ALDH1A2: variants seen among roughly 807,000 people sequenced by gnomAD.
ALDH1A2 encodes aldehyde dehydrogenase 1 family member A2.
A neutral mutation model predicts 60.3 loss-of-function variants in ALDH1A2; 27 were observed. The ratio of observed to expected loss-of-function variants is 0.45; its 90% confidence interval spans 0.33 to 0.62. ALDH1A2 has a LOEUF of 0.62. Ranked by LOEUF, ALDH1A2 falls within the 20% of genes least tolerant of loss-of-function variation. The pLI is 0.02. For synonymous variants in ALDH1A2, 289 were observed against 232.4 expected, an observed-to-expected ratio of 1.24 and a Z score of -2.21; for missense variants, 581 against 643.8, an observed-to-expected ratio of 0.90 and a Z score of 1.06.
chr15:58,036,061 A>G (rs1376014500), intron 1 of ALDH1A2, among the ~76,000 whole-genome samples: 6 of 151,694 alleles, frequency 4.0e-5, no homozygotes, highest in African/African-American at 1.5e-4. Context: ...CTTCTATTTA[A>G]TAGTGTAATA....
At chr15:57,995,346 TG>T (rs1187640804) in intron 4 of ALDH1A2, among the ~76,000 whole-genome samples, 1 of 151,498 alleles carries the variant, frequency 6.6e-6, no homozygotes, top group Non-Finnish European at 1.5e-5. Flanking sequence ...GACACCCAAA[TG>T]CAGTATTGAG....
At chr15:58,025,778 A>C (rs573955555) in intron 1 of ALDH1A2, among the ~76,000 whole-genome samples, 1 of 152,370 alleles carries the variant, frequency 6.6e-6, no homozygotes, top group South Asian at 2.1e-4. Flanking sequence ...CAGGAAGCTT[A>C]CAATCACGGC....
At chr15:58,053,306 T>C (rs1450786772) in intron 1 of ALDH1A2, among the ~76,000 whole-genome samples, 2 of 152,192 alleles carry the variant, frequency 1.3e-5, no homozygotes, top group Admixed American at 6.5e-5. Flanking sequence ...ACTCCAAAAA[T>C]TGTAAAACTA....
chr15:57,992,439 C>G (rs1894926870), intron 7 of ALDH1A2, among the ~76,000 whole-genome samples: 1 of 152,202 alleles, frequency 6.6e-6, no homozygotes, highest in Non-Finnish European at 1.5e-5. Flanking sequence ...CGCTATTCAA[C>G]AAAGTGTCTA....
chr15:57,986,880 C>T (rs560955131), intron 7 of ALDH1A2, among the ~76,000 whole-genome samples: 4 of 152,156 alleles, frequency 2.6e-5, no homozygotes, highest in Non-Finnish European at 4.4e-5. Flanking sequence ...GTCTCGGATT[C>T]CTGACCTCAG....
Position 57,961,158 on chromosome 15 carries a change from G to GCAGAAGA in ALDH1A2, c.1381_1387dup (p.Ala463ValfsTer47), listed in dbSNP as rs1392006350. On this transcript the variant is annotated frameshift_variant, in exon 11 of 13. Transcript: ENST00000249750. LOFTEE classifies it high-confidence loss of function. ...TTACCAAACAGTCCCAGCTTGCATTGCAGAAGACACTGTGAGGGCCTTGTT... is the reference window on the plus strand; with the variant it reads ...TTACCAAACAGTCCCAGCTTGCATTGCAGAAGACAGAAGACACTGTGAGGGCCTTGTT... The GCAGAAGA allele has an allele frequency of 6.2e-7, 1 of 1,614,084 alleles. No homozygotes were observed. Among genetic ancestry groups the GCAGAAGA allele is most frequent in the East Asian group, 2.2e-5 (1 of 44,874 alleles).
intron 7 of ALDH1A2, among the ~76,000 whole-genome samples, chr15:57,987,675 TCCAG>T (rs1894749255): frequency 6.6e-6 from 1 of 151,904 alleles, no homozygotes; most frequent in Non-Finnish European, 1.5e-5. Context: ...GGTCACGAGA[TCCAG>T]ACCATCCTGG....
chr15:58,022,536 A>G (rs1486660188), intron 1 of ALDH1A2, among the ~76,000 whole-genome samples: 2 of 152,060 alleles, frequency 1.3e-5, no homozygotes, highest in Non-Finnish European at 1.5e-5. Flanking sequence ...CTCCGGGGGG[A>G]AAGCCACCTC....
intron 1 of ALDH1A2, among the ~76,000 whole-genome samples, chr15:58,031,175 C>T (rs151307238): frequency 6.6e-6 from 1 of 152,194 alleles, no homozygotes; most frequent in African/African-American, 2.4e-5. Flanking sequence ...ATACACAGAC[C>T]AATGGAACAC....
intron 5 of ALDH1A2, among the ~76,000 whole-genome samples, chr15:57,994,652 A>G (rs764480166): frequency 1.5e-4 from 23 of 152,188 alleles, no homozygotes; most frequent in Non-Finnish European, 7.3e-5. Flanking sequence ...AGCATCTTCT[A>G]TCTAGATTCT....
In ALDH1A2 at chr15:58,031,876, G is replaced by A. The variant is rs532669458; in HGVS notation, c.118-17595C>T. On this transcript the variant is annotated intron_variant, in intron 1 of 12. Coordinates refer to ENST00000249750, the MANE Select transcript of ALDH1A2 (RefSeq NM_003888.4). ...AACAACAGGTGCTGGAGAGGATGTG[G>A]AGAAATAGGAACACTTTTACACTGT... Among the ~76,000 whole-genome samples the A allele has an allele frequency of 3.3e-5, 5 of 152,244 alleles. No individual in the cohort carries two copies. The South Asian group carries it at 8.3e-4, about 25-fold the overall frequency.
intron 1 of ALDH1A2, among the ~76,000 whole-genome samples, chr15:58,040,345 T>C (rs1896486101): frequency 6.6e-6 from 1 of 151,884 alleles, no homozygotes; most frequent in African/African-American, 2.4e-5. Context: ...AACTATACGA[T>C]GAATCATAAA....
intron 7 of ALDH1A2, chr15:57,990,691 A>T (rs1244190548): frequency 6.6e-6 from 1 of 152,132 alleles, no homozygotes; most frequent in Non-Finnish European, 1.5e-5. Context: ...CTTGGCCAAC[A>T]TGGCAAAACC....
intron 1 of ALDH1A2, among the ~76,000 whole-genome samples, chr15:58,027,489 C>T (rs1252165139): frequency 6.6e-6 from 1 of 152,152 alleles, no homozygotes; most frequent in Non-Finnish European, 1.5e-5. Context: ...AGCACCTCTT[C>T]TTCTCCAAAG....
chr15:58,056,429 A>T (rs1896897366), intron 1 of ALDH1A2, among the ~76,000 whole-genome samples: 1 of 152,116 alleles, frequency 6.6e-6, no homozygotes, highest in Non-Finnish European at 1.5e-5. Context: ...ATGCATAAGC[A>T]ATGACCAATT....
chr15:58,048,120 T>A (rs1399624648), intron 1 of ALDH1A2, among the ~76,000 whole-genome samples: 2 of 151,956 alleles, frequency 1.3e-5, no homozygotes, highest in Non-Finnish European at 2.9e-5. Context: ...AAGTCTTCAC[T>A]AGAAAAGGCT....
chr15:58,021,632 A>G (rs936337964), intron 1 of ALDH1A2, among the ~76,000 whole-genome samples: 1 of 152,228 alleles, frequency 6.6e-6, no homozygotes, highest in African/African-American at 2.4e-5. Flanking sequence ...CTGAGACCTA[A>G]GCAGCTACAG....
chr15:57,956,835 C>T (rs111569201), intron 12 of ALDH1A2, among the ~76,000 whole-genome samples: 8 of 152,030 alleles, frequency 5.3e-5, no homozygotes, highest in Non-Finnish European at 1.0e-4. Flanking sequence ...GGGCAGGTCG[C>T]GAGCCACACT....
At chr15:58,033,271 G>C (rs1027539854) in intron 1 of ALDH1A2, among the ~76,000 whole-genome samples, 1 of 151,162 alleles carries the variant, frequency 6.6e-6, no homozygotes, top group Middle Eastern at 3.2e-3. Flanking sequence ...ATTATATTTA[G>C]TGTTATATAT....
Sources: allele counts gnomAD v4.1 joint callset (sites outside exome capture counted in the v4.1 genomes callset), GRCh38; gene constraint gnomAD v4.1.1; transcripts MANE v1.5; gene names NCBI Gene and HGNC (gene_info 2026-07-23, HGNC 2026-07-21).